SLC1A2: variants seen among roughly 807,000 people sequenced by gnomAD.
The protein encoded by SLC1A2 is excitatory amino acid transporter 2.
A neutral mutation model predicts 48.8 loss-of-function variants in SLC1A2; 15 were observed. The observed-to-expected ratio is 0.31, with a 90% confidence interval of 0.21 to 0.47. SLC1A2 has a LOEUF of 0.47. SLC1A2 is among the 20% of genes least tolerant of loss of function. SLC1A2 has a pLI of 0.99. For missense variants in SLC1A2, 502 were observed against 730.5 expected (o/e 0.69, Z 3.61); for synonymous variants, 279 against 272.6 (o/e 1.02, Z -0.23).
chr11:35,352,046 T>C (rs1359774962), intron 1 of SLC1A2, among the ~76,000 whole-genome samples: 7 of 152,230 alleles, frequency 4.6e-5, no homozygotes, highest in African/African-American at 1.7e-4. Context: ...TACTTCCTTA[T>C]TGCTTCTTTC....
At chr11:35,266,612 A>C (rs971404576) in intron 9 of SLC1A2, among the ~76,000 whole-genome samples, 6 of 152,210 alleles carry the variant, frequency 3.9e-5, no homozygotes, top group Non-Finnish European at 7.3e-5. Flanking sequence ...CTCATCCATA[A>C]GTTCAAGCCA....
At chr11:35,299,333 GTC>G (rs1220089326) in intron 6 of SLC1A2, 16 of 142,926 alleles carry the variant, frequency 1.1e-4, no homozygotes, top group African/African-American at 1.1e-4. Flanking sequence ...GCGAGTCTTT[GTC>G]TCTCTCTCTC....
At position 35,393,202 on chromosome 11, in the gene SLC1A2, T is replaced by G. The variant is rs963163755; in HGVS notation, c.17+25748A>C. Among the ~76,000 whole-genome samples, 8 of 152,170 alleles carry G rather than the reference T, an allele frequency of 5.3e-5. No homozygotes were observed. The East Asian group carries it at 1.5e-3, about 29-fold the overall frequency. ...GGTGGCAGAAGCCCAAGATGCATCATCACCCAGGGTCTCGGGCTGCTGGCC... is the reference window on the plus strand; with the variant it reads ...GGTGGCAGAAGCCCAAGATGCATCAGCACCCAGGGTCTCGGGCTGCTGGCC... On this transcript the variant is annotated intron_variant, in intron 1 of 10. Coordinates refer to ENST00000278379, the MANE Select transcript of SLC1A2 (RefSeq NM_004171.4).
intron 6 of SLC1A2, chr11:35,299,158 T>C (rs1376991158): frequency 6.6e-6 from 1 of 152,106 alleles, no homozygotes; most frequent in African/African-American, 2.4e-5. Flanking sequence ...GCCAACATGG[T>C]GAAACCCTAT....
chr11:35,294,564 A>G (rs1020161635), intron 6 of SLC1A2, among the ~76,000 whole-genome samples: 1 of 152,214 alleles, frequency 6.6e-6, no homozygotes, highest in African/African-American at 2.4e-5. Context: ...ATTTATCTTC[A>G]TAAAACAAGA....
chr11:35,393,767 A>T (rs1854857650), intron 1 of SLC1A2, among the ~76,000 whole-genome samples: 1 of 152,218 alleles, frequency 6.6e-6, no homozygotes, highest in Non-Finnish European at 1.5e-5. Context: ...TCCCCAAAAT[A>T]GCCAAATAAA....
chr11:35,332,191 G>C (rs571816384), intron 1 of SLC1A2, among the ~76,000 whole-genome samples: 1 of 152,208 alleles, frequency 6.6e-6, no homozygotes, highest in South Asian at 2.1e-4. Context: ...AAGTGATCAT[G>C]ACTTGAATTT....
At chr11:35,281,679 T>C (rs1467655823) in intron 8 of SLC1A2, 1 of 152,074 alleles carries the variant, frequency 6.6e-6, no homozygotes, top group Non-Finnish European at 1.5e-5. Context: ...TTCCAAGCAA[T>C]GCCAGGGCCA....
rs997971562 is a variant in SLC1A2, at chr11:35,251,954, G to A, written c.*8940C>T. 6.6e-6 allele frequency: 1 copy of A among 152,550 alleles called. No homozygotes were observed. Among genetic ancestry groups the A allele is most frequent in the African/African-American group, 2.4e-5 (1 of 41,434 alleles). The allele number at this position is 152,550 out of a possible 1,614,324, so 9.4% of individuals were successfully genotyped here. On this transcript the variant is annotated 3_prime_UTR_variant, in exon 11 of 11. Transcript: ENST00000278379. ...TGTTTTAGGAGGCAACTGTAAACTT[G>A]CATTAGTTAATCCCATCTTCAATCA...
At chr11:35,371,479 C>T (rs187252332) in intron 1 of SLC1A2, among the ~76,000 whole-genome samples, 1 of 152,276 alleles carries the variant, frequency 6.6e-6, no homozygotes, top group East Asian at 1.9e-4. Flanking sequence ...GCTGATGGGT[C>T]CCCTGAGAAT....
chr11:35,327,748 A>C (rs1461025172), intron 1 of SLC1A2, among the ~76,000 whole-genome samples: 1 of 152,222 alleles, frequency 6.6e-6, no homozygotes, highest in Non-Finnish European at 1.5e-5. Flanking sequence ...CGGAGAGGGA[A>C]GGATTATTCT....
intron 2 of SLC1A2, 93 bp downstream of exon 2, chr11:35,317,284 G>C (rs1385528076): frequency 7.0e-6 from 10 of 1,419,952 alleles, no homozygotes; most frequent in African/African-American, 1.4e-5. Context: ...TTCCTTTCTG[G>C]TGGAAGGGCT....
intron 1 of SLC1A2, among the ~76,000 whole-genome samples, chr11:35,416,120 T>A (rs1855597858): frequency 6.6e-6 from 1 of 152,228 alleles, no homozygotes; most frequent in African/African-American, 2.4e-5. Flanking sequence ...AGAAACTGGA[T>A]GCTAATAATC....
intron 3 of SLC1A2, among the ~76,000 whole-genome samples, chr11:35,313,673 G>T (rs764712827): frequency 4.6e-5 from 7 of 152,168 alleles, no homozygotes; most frequent in Non-Finnish European, 7.3e-5. Context: ...TCCCCACCAA[G>T]TTGGCCAACG....
chr11:35,365,460 C>T (rs530917548), intron 1 of SLC1A2, among the ~76,000 whole-genome samples: 22 of 152,214 alleles, frequency 1.4e-4, no homozygotes, highest in African/African-American at 5.3e-4. Flanking sequence ...GAATCCTTGT[C>T]GTAAAATCTG....
chr11:35,370,181 G>C (rs1854008601), intron 1 of SLC1A2, among the ~76,000 whole-genome samples: 1 of 152,222 alleles, frequency 6.6e-6, no homozygotes, highest in Non-Finnish European at 1.5e-5. Context: ...ACAACACCTT[G>C]ATGTGGAAAT....
chr11:35,360,821 C>T (rs1853654121), intron 1 of SLC1A2, among the ~76,000 whole-genome samples: 1 of 152,250 alleles, frequency 6.6e-6, no homozygotes, highest in Admixed American at 6.5e-5. Flanking sequence ...CTCAGATGTG[C>T]CTCTCAGAAC....
At chr11:35,306,774 G>A (rs929631128) in intron 4 of SLC1A2, among the ~76,000 whole-genome samples, 4 of 152,070 alleles carry the variant, frequency 2.6e-5, no homozygotes, top group African/African-American at 7.2e-5. Context: ...ACATATAAAT[G>A]AGAAATGCAA....
chr11:35,309,179 A>G (rs1017350909), intron 4 of SLC1A2, among the ~76,000 whole-genome samples: 1 of 152,080 alleles, frequency 6.6e-6, no homozygotes, highest in African/African-American at 2.4e-5. Context: ...GCCCTCAGAG[A>G]ACACCTGTCT....
Sources: gnomAD v4.1 joint callset for allele counts (sites outside exome capture counted in the v4.1 genomes callset) on GRCh38, gnomAD v4.1.1 for gene constraint, MANE v1.5 for transcripts, NCBI Gene and HGNC (gene_info 2026-07-23, HGNC 2026-07-21) for gene names.